Variants in ODAD3 observed in about 807,000 individuals in gnomAD.
The protein encoded by ODAD3 is outer dynein arm docking complex subunit 3.
ODAD3 carries 57 observed loss-of-function variants against 70.9 expected under a neutral mutation model. The observed-to-expected ratio is 0.80, with a 90% CI of 0.65 to 1.00. ODAD3 has a LOEUF of 1.00. ODAD3 is among the 50% of genes least tolerant of loss of function. The pLI is 0.00. For missense variants in ODAD3, 797 were observed against 763.9 expected, an observed-to-expected ratio of 1.04 and a Z score of -0.51; for synonymous variants, 327 against 315.9, an observed-to-expected ratio of 1.04 and a Z score of -0.37.
upstream of ODAD3, chr19:11,435,566 G>C: frequency 4.1e-6 from 3 of 737,814 alleles, no homozygotes; most frequent in Middle Eastern, 5.0e-4. Flanking sequence ...CCAACATGGC[G>C]ACCCTGAGTC....
At chr19:11,430,206 C>T (rs185523444) in intron 3 of ODAD3, among the ~76,000 whole-genome samples, 6 of 152,114 alleles carry the variant, frequency 3.9e-5, no homozygotes, top group Non-Finnish European at 7.4e-5. Flanking sequence ...GGCACAATCT[C>T]GGCTCACTGC....
intron 1 of ODAD3, among the ~76,000 whole-genome samples, chr19:11,433,470 A>G (rs1156764395): frequency 6.6e-6 from 1 of 152,238 alleles, no homozygotes; most frequent in Admixed American, 6.5e-5. Context: ...TGTGCCAGGC[A>G]CTGTTCTAAG....
At chr19:11,425,022 C>CATATGTGTATATGTAT (rs1969258790) in intron 7 of ODAD3, among the ~76,000 whole-genome samples, 1 of 92,762 alleles carries the variant, frequency 1.1e-5, no homozygotes, top group Non-Finnish European at 2.1e-5. Flanking sequence ...TGTATATATA[C>CATATGTGTATATGTAT]ATATGTGCAT....
chr19:11,424,924 T>G (rs1478923708), intron 7 of ODAD3, among the ~76,000 whole-genome samples: 2 of 119,364 alleles, frequency 1.7e-5, no homozygotes, highest in Non-Finnish European at 3.3e-5. Flanking sequence ...TATATGTACC[T>G]ATGTGTATAT....
chr19:11,433,371 G>A (rs1265307486), intron 1 of ODAD3, among the ~76,000 whole-genome samples: 1 of 152,192 alleles, frequency 6.6e-6, no homozygotes, highest in Non-Finnish European at 1.5e-5. Context: ...TGGTCTCAAT[G>A]TCTTAGGACA....
chr19:11,425,346 T>C lies in ODAD3; in HGVS notation c.963+798A>G, dbSNP rs1417311044. On this transcript the variant is annotated intron_variant, in intron 7 of 12. Coordinates refer to ENST00000356392, the MANE Select transcript of ODAD3 (RefSeq NM_145045.5). ...ATATGTACATATGTGTATATATGTA[T>C]ATATGTGTATATGTACATATGTGTA... Among the ~76,000 whole-genome samples, 487 of 118,390 alleles carry C rather than the reference T, an allele frequency of 4.1e-3. 22 individuals carry two copies. The highest frequency in any genetic ancestry group is 9.3e-3 in the East Asian group (36 of 3,880). The allele number at this position is 118,390 out of a possible 152,430, so 77.7% of individuals were successfully genotyped here.
At chr19:11,430,590 T>C (rs953077377) in intron 3 of ODAD3, 109 bp downstream of exon 3, 1 of 988,152 alleles carries the variant, frequency 1.0e-6, no homozygotes, top group Admixed American at 1.8e-5. Context: ...AATGAGCACA[T>C]GAATGGCAGC....
chr19:11,427,179 C>T, intron 3 of ODAD3, 139 bp from the exon 4 acceptor site: 1 of 903,606 alleles, frequency 1.1e-6, no homozygotes, highest in Non-Finnish European at 1.6e-6. Flanking sequence ...CCTGGCCACC[C>T]CTTCTGTGTT....
In ODAD3 at chr19:11,421,947, C is replaced by A. The variant is rs1018122832; in HGVS notation, c.1435-115G>T. ...GGCCTAGGAGGTAAGGGCCCACCTG[C>A]AGGGTCGATCCTAGCCATTGGGGGC... On this transcript the variant is annotated intron_variant, in intron 10 of 12. Transcript: ENST00000356392. 2.5e-6 allele frequency: 3 copies of A among 1,187,822 alleles called. No homozygotes were observed. The African/African-American group carries it at 4.6e-5, about 18-fold the overall frequency. 73.6% of individuals were successfully genotyped at this position (1,187,822 alleles called of 1,614,324 possible).
At position 11,430,781 on chromosome 19, in the gene ODAD3, A is replaced by G. The variant is rs748996260; in HGVS notation, c.367-5T>C. The G allele has an allele frequency of 1.2e-6, 2 of 1,614,020 alleles. No individual in the cohort carries two copies. Among genetic ancestry groups the G allele is most frequent in the Admixed American group, 1.7e-5 (1 of 59,986 alleles). ...CTGGACCACTTTCTCATCTCCCTGC[A>G]AGGAGGGAAGTCCAGTCACCTTTCA... On this transcript the variant is annotated splice_polypyrimidine_tract_variant and splice_region_variant and intron_variant, in intron 2 of 12. Transcript: ENST00000356392.
At chr19:11,429,855 T>TAA (rs1415292230) in intron 3 of ODAD3, among the ~76,000 whole-genome samples, 3 of 148,384 alleles carry the variant, frequency 2.0e-5, no homozygotes, top group African/African-American at 7.6e-5. Context: ...TTTTTTTTTT[T>TAA]AAAGAAACAG....
At chr19:11,435,355 C>A (rs768266620), upstream of ODAD3, 4 of 512,732 alleles carry the variant, frequency 7.8e-6, no homozygotes, top group Admixed American at 3.6e-5. Flanking sequence ...TTCCCTACCT[C>A]CCCCAACCTT....
At chr19:11,421,068 C>A (rs1400992702) in intron 12 of ODAD3, 60 bp downstream of exon 12, 2 of 1,590,884 alleles carry the variant, frequency 1.3e-6, no homozygotes, top group Non-Finnish European at 8.6e-7. Flanking sequence ...TATCTGACAA[C>A]CTCCTGCTAC....
intron 12 of ODAD3, 53 bp from the exon 13 acceptor site, chr19:11,421,000 C>T (rs1969118591): frequency 6.3e-7 from 1 of 1,581,740 alleles, no homozygotes; most frequent in South Asian, 1.1e-5. Flanking sequence ...AGGTCCCCAT[C>T]CCTGGCTCCC....
chr19:11,428,861 TTTTATTTATTTA>T (rs1195887473), intron 3 of ODAD3, among the ~76,000 whole-genome samples: 61 of 135,764 alleles, frequency 4.5e-4, no homozygotes, highest in South Asian at 2.9e-3. Context: ...GTGTTTTATT[TTTTATTTATTTA>T]TTTATTTATT....
intron 3 of ODAD3, among the ~76,000 whole-genome samples, chr19:11,429,766 C>T (rs1969464163): frequency 6.6e-6 from 1 of 151,958 alleles, no homozygotes; most frequent in African/African-American, 2.4e-5. Flanking sequence ...GCTCGATCTC[C>T]TGACCTCGTG....
At position 11,420,638 on chromosome 19, in the gene ODAD3, G is replaced by A; in HGVS notation, c.*197C>T. The A allele has an allele frequency of 1.7e-6, 1 of 599,680 alleles. No individual in the cohort carries two copies. The highest frequency in any genetic ancestry group is 3.0e-6 in the Non-Finnish European group (1 of 337,696). The allele number at this position is 599,680 out of a possible 1,614,324, so 37.1% of individuals were successfully genotyped here. On this transcript the variant is annotated 3_prime_UTR_variant, in exon 13 of 13. Coordinates refer to ENST00000356392, the MANE Select transcript of ODAD3 (RefSeq NM_145045.5). Reference sequence around the variant, plus strand: ...GTAACATTTATTGCGCAACTCTGAGGCCGGGGCGGACCCAGCTGGGGAGAT... The same window carrying A: ...GTAACATTTATTGCGCAACTCTGAGACCGGGGCGGACCCAGCTGGGGAGAT...
At chr19:11,421,279 C>T (rs1969128694) in intron 11 of ODAD3, 67 bp from the exon 12 acceptor site, 6 of 1,400,630 alleles carry the variant, frequency 4.3e-6, no homozygotes, top group Admixed American at 2.1e-5. Context: ...AGTCACGTTC[C>T]CCCTCCTCCC....
intron 1 of ODAD3, chr19:11,434,550 A>T (rs1194908625): frequency 5.1e-6 from 2 of 393,758 alleles, no homozygotes; most frequent in South Asian, 6.6e-5. Context: ...AAAAAAAAAA[A>T]ATAGAGAAAA....
Sources: gnomAD v4.1 joint callset for allele counts (sites outside exome capture counted in the v4.1 genomes callset) on GRCh38, gnomAD v4.1.1 for gene constraint, MANE v1.5 for transcripts, NCBI Gene and HGNC (gene_info 2026-07-23, HGNC 2026-07-21) for gene names.